SGCD: variants seen among roughly 807,000 people sequenced by gnomAD.
SGCD encodes sarcoglycan delta.
SGCD carries 18 observed loss-of-function variants against 36.6 expected under a neutral mutation model. The ratio of observed to expected loss-of-function variants is 0.49; its 90% confidence interval spans 0.34 to 0.73. The LOEUF is 0.73. Among genes scored for constraint, SGCD ranks in the 30% least tolerant of loss-of-function variants. The pLI is 0.01. For synonymous variants in SGCD, 133 were observed against 130.6 expected (o/e 1.02, Z -0.12); for missense variants, 387 against 346.7 (o/e 1.12, Z -0.92).
chr5:156,405,738 A>G (rs1772367170), intron 3 of SGCD, among the ~76,000 whole-genome samples: 1 of 152,094 alleles, frequency 6.6e-6, no homozygotes, highest in South Asian at 2.1e-4. Context: ...TTTGTTGTCA[A>G]GATGGTTTTG....
At chr5:156,596,427 A>G (rs1013356092) in intron 6 of SGCD, among the ~76,000 whole-genome samples, 2 of 152,174 alleles carry the variant, frequency 1.3e-5, no homozygotes, top group African/African-American at 4.8e-5. Context: ...GAGACTGCTA[A>G]AAAGATTGAA....
intron 3 of SGCD, among the ~76,000 whole-genome samples, chr5:156,254,033 C>T (rs372384095): frequency 1.3e-5 from 2 of 152,138 alleles, no homozygotes; most frequent in Non-Finnish European, 2.9e-5. Flanking sequence ...TCTATATAAA[C>T]AATTATATCA....
At chr5:156,697,412 A>G (rs1182447225) in intron 7 of SGCD, among the ~76,000 whole-genome samples, 1 of 152,078 alleles carries the variant, frequency 6.6e-6, no homozygotes, top group African/African-American at 2.4e-5. Context: ...TTCTTCTCAC[A>G]TATTTCCTAT....
At chr5:155,786,167 A>G in the SGCD span, among the ~76,000 whole-genome samples, 1 of 152,178 alleles carries the variant, frequency 6.6e-6, no homozygotes, top group Admixed American at 6.5e-5. Flanking sequence ...TTTTTGCCAG[A>G]GCTCATTCTG....
chr5:156,537,425 T>C (rs753811662), intron 4 of SGCD, among the ~76,000 whole-genome samples: 2 of 147,542 alleles, frequency 1.4e-5, no homozygotes, highest in Non-Finnish European at 3.0e-5. Context: ...CACTGAAGCC[T>C]GTTCTCACTG....
At chr5:156,293,428 T>A (rs1340421369) in intron 3 of SGCD, among the ~76,000 whole-genome samples, 2 of 152,208 alleles carry the variant, frequency 1.3e-5, no homozygotes, top group African/African-American at 4.8e-5. Flanking sequence ...TTCTATGTTT[T>A]CTTCTAAGAG....
At chr5:156,378,989 T>C (rs2127745988) in intron 3 of SGCD, among the ~76,000 whole-genome samples, 1 of 152,320 alleles carries the variant, frequency 6.6e-6, no homozygotes, top group East Asian at 1.9e-4. Flanking sequence ...TACCATGTGC[T>C]AAATGTTTGC....
intron 1 of SGCD, among the ~76,000 whole-genome samples, chr5:156,101,902 C>CTGTGTGTGTGTG (rs36187985): frequency 0.011 from 1,201 of 107,542 alleles, 19 homozygotes; most frequent in East Asian, 0.062. Flanking sequence ...GTGTCTCCAG[C>CTGTGTGTGTGTG]TGTGTGTGTG....
chr5:156,130,396 T>C (rs1762288515), intron 3 of SGCD, among the ~76,000 whole-genome samples: 1 of 152,380 alleles, frequency 6.6e-6, no homozygotes, highest in Admixed American at 6.5e-5. Context: ...CTTTGTCATA[T>C]GCATAGTTTG....
intron 1 of SGCD, among the ~76,000 whole-genome samples, chr5:156,051,983 T>A (rs1289529827): frequency 6.8e-6 from 1 of 146,228 alleles, no homozygotes; most frequent in African/African-American, 2.5e-5. Flanking sequence ...ACAGGGTTCT[T>A]GTCCATCCCA....
intron 3 of SGCD, among the ~76,000 whole-genome samples, chr5:156,306,226 G>A (rs143196353): frequency 1.1e-4 from 16 of 152,136 alleles, no homozygotes; most frequent in South Asian, 4.2e-4. Context: ...CATGTATTGC[G>A]AGAGACACCT....
intron 3 of SGCD, among the ~76,000 whole-genome samples, chr5:156,242,434 C>A (rs1765327864): frequency 6.6e-6 from 1 of 152,092 alleles, no homozygotes; most frequent in Non-Finnish European, 1.5e-5. Context: ...AGACATGAAT[C>A]TCTACATACG....
intron 7 of SGCD, among the ~76,000 whole-genome samples, chr5:156,677,110 T>A (rs1217760804): frequency 6.6e-6 from 1 of 152,218 alleles, no homozygotes; most frequent in Admixed American, 6.5e-5. Context: ...AGTCAAAGAC[T>A]TATAGAGCTT....
intron 3 of SGCD, among the ~76,000 whole-genome samples, chr5:156,413,898 G>A (rs1772897708): frequency 6.6e-6 from 1 of 152,114 alleles, no homozygotes; most frequent in Non-Finnish European, 1.5e-5. Context: ...TTAGGACTTG[G>A]AGATGGAGGA....
intron 3 of SGCD, among the ~76,000 whole-genome samples, chr5:156,257,869 AACAG>A (rs1391929016): frequency 2.0e-5 from 3 of 151,712 alleles, no homozygotes; most frequent in African/African-American, 4.9e-5. Context: ...GCCTCAAACA[AACAG>A]ACAAACAAAC....
At chr5:155,888,153 CA>C (rs1756048290) in intron 1 of SGCD, among the ~76,000 whole-genome samples, 1 of 152,204 alleles carries the variant, frequency 6.6e-6, no homozygotes, top group African/African-American at 2.4e-5. Flanking sequence ...CCAGCTTCTA[CA>C]AATCTCTCTT....
intron 3 of SGCD, among the ~76,000 whole-genome samples, chr5:156,134,580 T>A (rs1762408628): frequency 6.6e-6 from 1 of 151,740 alleles, no homozygotes; most frequent in African/African-American, 2.4e-5. Flanking sequence ...AAACCCCTCA[T>A]CTTTAAAGTT....
intron 1 of SGCD, among the ~76,000 whole-genome samples, chr5:156,328,187 T>G (rs2127700453): frequency 6.6e-6 from 1 of 152,342 alleles, no homozygotes; most frequent in Middle Eastern, 3.4e-3. Context: ...TTTTTTCCTC[T>G]CATAGGAAAG....
intron 3 of SGCD, among the ~76,000 whole-genome samples, chr5:156,197,472 C>CTTTTTCT (rs1764048861): frequency 7.5e-6 from 1 of 134,000 alleles, no homozygotes; most frequent in South Asian, 2.4e-4. Context: ...AATAGTTTTC[C>CTTTTTCT]TTTTTTTTTT....
Sources: allele counts gnomAD v4.1 joint callset (sites outside exome capture counted in the v4.1 genomes callset), GRCh38; gene constraint gnomAD v4.1.1; transcripts MANE v1.5; gene names NCBI Gene and HGNC (gene_info 2026-07-23, HGNC 2026-07-21).